The following AHI1 variants were observed in gnomAD, a reference collection of about 807,000 sequenced individuals.
The protein encoded by AHI1 is jouberin.
AHI1 carries 123 observed loss-of-function variants against 149.3 expected under a neutral mutation model. The ratio of observed to expected loss-of-function variants is 0.82; its 90% CI spans 0.71 to 0.96. AHI1 has a LOEUF of 0.96. Ranked by LOEUF, AHI1 falls within the 40% of genes least tolerant of loss-of-function variation. AHI1 has a pLI of 0.00. For synonymous variants in AHI1, 475 were observed against 459.8 expected (o/e 1.03, Z -0.42); for missense variants, 1,439 against 1,422.7 (o/e 1.01, Z -0.18).
intron 23 of AHI1, among the ~76,000 whole-genome samples, chr6:135,366,766 T>C (rs1409484514): frequency 1.3e-5 from 2 of 152,172 alleles, no homozygotes; most frequent in Non-Finnish European, 2.9e-5. Context: ...TTTGTATTTT[T>C]TTGTTGTTTC....
chr6:135,363,604 C>CA (rs1280553177), intron 23 of AHI1, among the ~76,000 whole-genome samples: 34 of 152,128 alleles, frequency 2.2e-4, no homozygotes, highest in Non-Finnish European at 4.3e-4. Flanking sequence ...AGAGGGGCTC[C>CA]TCACTTCCCA....
chr6:135,416,051 T>C (rs943501490), intron 20 of AHI1, among the ~76,000 whole-genome samples: 1 of 152,150 alleles, frequency 6.6e-6, no homozygotes, highest in African/African-American at 2.4e-5. Flanking sequence ...GTTCATTATC[T>C]TGATTGAGGC....
chr6:135,386,926 CTTT>C (rs1156698056), intron 23 of AHI1, among the ~76,000 whole-genome samples: 1 of 151,986 alleles, frequency 6.6e-6, no homozygotes, highest in African/African-American at 2.4e-5. Context: ...CCCACCTGGC[CTTT>C]TTTCTTTTTT....
At chr6:135,395,788 T>C (rs1562662496) in intron 22 of AHI1, among the ~76,000 whole-genome samples, 1 of 151,890 alleles carries the variant, frequency 6.6e-6, no homozygotes, top group Non-Finnish European at 1.5e-5. Flanking sequence ...ACTTCAAAAA[T>C]GTAATCTGTA....
At chr6:135,411,659 GTAA>G in intron 20 of AHI1, 115 bp from the exon 21 acceptor site, 1 of 758,560 alleles carries the variant, frequency 1.3e-6, no homozygotes, top group Non-Finnish European at 1.9e-6. Flanking sequence ...TAAAAACTGG[GTAA>G]TAATAAGACA....
intron 23 of AHI1, among the ~76,000 whole-genome samples, chr6:135,361,835 T>C (rs1224357139): frequency 6.6e-6 from 1 of 152,162 alleles, no homozygotes; most frequent in Non-Finnish European, 1.5e-5. Flanking sequence ...AATTTTATTT[T>C]TTTTGATTTT....
At chr6:135,443,393 A>C (rs1362707704) in intron 13 of AHI1, among the ~76,000 whole-genome samples, 4 of 152,176 alleles carry the variant, frequency 2.6e-5, no homozygotes, top group African/African-American at 9.7e-5. Flanking sequence ...AGTGAGCCTT[A>C]GTTCTTCTGT....
At position 135,490,675 on chromosome 6, in the gene AHI1, C is replaced by T. The variant is rs36115433; in HGVS notation, c.83G>A (p.Arg28His). The change falls in exon 5 of 29, where the codon CGT (arginine) becomes CAT (histidine). Residue 28 changes from arginine (R) to histidine (H), a missense_variant. Transcript: ENST00000265602. ...ELLKTHSDLMREKKKLKKKLV... is the reference protein window; with the variant it reads ...ELLKTHSDLMHEKKKLKKKLV... The stretch of plus-strand genomic sequence containing the variant: ...TTTTTTCTTCAGTTTTTTCTTTTCA[C>T]GCATTAGATCACTGTGGGTCTTAAG... The T allele has an allele frequency of 2.7e-5, 43 of 1,613,200 alleles. No individual in the cohort carries two copies. Among genetic ancestry groups the T allele is most frequent in the Admixed American group, 3.3e-5 (2 of 59,972 alleles).
At chr6:135,352,712 T>TATACAC (rs1554289086) in intron 24 of AHI1, among the ~76,000 whole-genome samples, 12 of 145,536 alleles carry the variant, frequency 8.2e-5, no homozygotes, top group South Asian at 2.2e-4. Flanking sequence ...TATATATATA[T>TATACAC]ACACACACAC....
At chr6:135,413,193 G>T (rs1781852284) in intron 20 of AHI1, among the ~76,000 whole-genome samples, 1 of 151,958 alleles carries the variant, frequency 6.6e-6, no homozygotes, top group Non-Finnish European at 1.5e-5. Context: ...ACCGGGCAGG[G>T]TACCATGTGC....
At chr6:135,319,934 A>G (rs1411680257) in intron 25 of AHI1, among the ~76,000 whole-genome samples, 1 of 152,194 alleles carries the variant, frequency 6.6e-6, no homozygotes, top group African/African-American at 2.4e-5. Flanking sequence ...TTGTTCTCTT[A>G]GAGGACAGGC....
chr6:135,421,696 C>T (rs952033216), intron 20 of AHI1, among the ~76,000 whole-genome samples: 2 of 151,970 alleles, frequency 1.3e-5, no homozygotes, highest in East Asian at 1.9e-4. Flanking sequence ...GAAGTCAGGG[C>T]TCTGGTTTAT....
At chr6:135,405,242 T>G (rs1214448768) in intron 21 of AHI1, among the ~76,000 whole-genome samples, 1 of 152,194 alleles carries the variant, frequency 6.6e-6, no homozygotes, top group East Asian at 1.9e-4. Flanking sequence ...AAACTTGCTC[T>G]TCAATCAATA....
At chr6:135,375,496 G>T (rs941011917) in intron 23 of AHI1, among the ~76,000 whole-genome samples, 3 of 152,188 alleles carry the variant, frequency 2.0e-5, no homozygotes, top group African/African-American at 7.2e-5. Flanking sequence ...CATATACATG[G>T]TGTTGGGACA....
Position 135,463,206 on chromosome 6 carries a change from A to T in AHI1, c.850T>A (p.Ser284Thr). 6.2e-7 allele frequency: 1 copy of T among 1,609,006 alleles called. No homozygotes were observed. The highest frequency in any genetic ancestry group is 1.4e-5 in the African/African-American group (1 of 73,978). ...CTGTCTTCTGTGCTTTGTTCCATTG[A>T]GCTTATTTCATCATCTTGATGAGAA... ...SDSHQDDEIS[S>T]MEQSTEDSMQ... The change falls in exon 8 of 29, where the codon TCA (serine) becomes ACA (threonine). Residue 284 changes from serine to threonine, a missense_variant. Transcript: ENST00000265602.
At position 135,453,433 on chromosome 6, in the gene AHI1, G is replaced by A. The variant is rs987470300; in HGVS notation, c.1348C>T (p.Leu450Phe). 6.5e-7 allele frequency: 1 copy of A among 1,546,322 alleles called. No individual in the cohort carries two copies. Among genetic ancestry groups the A allele is most frequent in the Non-Finnish European group, 8.8e-7 (1 of 1,142,812 alleles). Residue 450 changes from leucine (L) to phenylalanine (F), a missense_variant, in exon 11 of 29, where the codon CTT (leucine) becomes TTT (phenylalanine). Coordinates refer to ENST00000265602, the MANE Select transcript of AHI1 (RefSeq NM_001134831.2). ...SPKVILFFEI[L>F]DFLSVDEIKN... The stretch of plus-strand genomic sequence containing the variant: ...ATTTCATCCACGCTTAAGAAATCAA[G>A]AATCTGCAAATAAATTCACAGAAGA...
chr6:135,428,572 A>G (rs1230286561), intron 19 of AHI1, 57 bp downstream of exon 19: 2 of 1,463,342 alleles, frequency 1.4e-6, no homozygotes, highest in Non-Finnish European at 1.8e-6. Context: ...GAATTTTCAC[A>G]CTTCTTCAAA....
intron 28 of AHI1, among the ~76,000 whole-genome samples, chr6:135,286,812 T>C (rs1489311512): frequency 6.6e-6 from 1 of 152,148 alleles, no homozygotes; most frequent in Non-Finnish European, 1.5e-5. Context: ...CTAGTGAAGC[T>C]CATGAATGCA....
chr6:135,405,194 G>A (rs1358317555), intron 21 of AHI1, among the ~76,000 whole-genome samples: 1 of 152,166 alleles, frequency 6.6e-6, no homozygotes, highest in Non-Finnish European at 1.5e-5. Context: ...ATGGCACTGT[G>A]AAACTCCCGA....
Sources: gnomAD v4.1 joint callset for allele counts (sites outside exome capture counted in the v4.1 genomes callset) on GRCh38, gnomAD v4.1.1 for gene constraint, MANE v1.5 for transcripts, NCBI Gene and HGNC (gene_info 2026-07-23, HGNC 2026-07-21) for gene names.